ADAMTS9: variants seen among roughly 807,000 people sequenced by gnomAD.
ADAMTS9 encodes the protein ADAM metallopeptidase with thrombospondin type 1 motif 9.
ADAMTS9 carries 107 observed loss-of-function variants against 257.1 expected under a neutral mutation model. The ratio of observed to expected loss-of-function variants is 0.42; its 90% CI spans 0.36 to 0.49. The LOEUF (loss-of-function observed/expected upper bound fraction) is 0.49. ADAMTS9 is among the 20% of genes least tolerant of loss of function. ADAMTS9 has a pLI of 0.03. For missense variants in ADAMTS9, 2,353 were observed against 2,469.1 expected (o/e 0.95, Z 1.00); for synonymous variants, 982 against 880.9 (o/e 1.11, Z -2.03).
At chr3:64,548,577 C>T (rs1226397925) in intron 31 of ADAMTS9, among the ~76,000 whole-genome samples, 3 of 133,756 alleles carry the variant, frequency 2.2e-5, no homozygotes, top group East Asian at 2.1e-4. Flanking sequence ...GAGCAAAAGT[C>T]GTCCCCTGGC....
chr3:64,645,096 G>A (rs2106930992), intron 11 of ADAMTS9, among the ~76,000 whole-genome samples: 2 of 152,194 alleles, frequency 1.3e-5, no homozygotes, highest in Middle Eastern at 6.8e-3. Context: ...TATTTTACCA[G>A]GCAAATTCTA....
intron 26 of ADAMTS9, among the ~76,000 whole-genome samples, chr3:64,600,561 C>T (rs1240193793): frequency 6.6e-6 from 1 of 152,210 alleles, no homozygotes; most frequent in East Asian, 1.9e-4. Context: ...CTAGCGCTAT[C>T]ATTAGACTAC....
intron 12 of ADAMTS9, among the ~76,000 whole-genome samples, chr3:64,640,106 G>A (rs73124218): frequency 6.6e-6 from 1 of 152,122 alleles, no homozygotes; most frequent in Non-Finnish European, 1.5e-5. Context: ...AAAATCTAAG[G>A]CTTATTCATT....
chr3:64,624,275 A>G (rs1700175830), intron 16 of ADAMTS9, among the ~76,000 whole-genome samples: 1 of 151,888 alleles, frequency 6.6e-6, no homozygotes, highest in Admixed American at 6.6e-5. Context: ...AAAGAGAGAC[A>G]AAGAAAGAAA....
intron 3 of ADAMTS9, among the ~76,000 whole-genome samples, chr3:64,669,843 G>A (rs982863632): frequency 1.3e-5 from 2 of 152,030 alleles, no homozygotes; most frequent in African/African-American, 4.8e-5. Context: ...ATTTTATTTC[G>A]GACCTGCTAA....
At chr3:64,567,813 G>A (rs972169370) in intron 29 of ADAMTS9, among the ~76,000 whole-genome samples, 4 of 151,664 alleles carry the variant, frequency 2.6e-5, no homozygotes, top group East Asian at 3.9e-4. Context: ...GCATTAAATC[G>A]TCATAAGAGC....
intron 2 of ADAMTS9, among the ~76,000 whole-genome samples, chr3:64,681,729 A>G (rs908002618): frequency 6.6e-6 from 1 of 152,108 alleles, no homozygotes; most frequent in Non-Finnish European, 1.5e-5. Context: ...CTTTTTGTAG[A>G]GATGGGGGTC....
chr3:64,674,551 T>C (rs1162455531), intron 3 of ADAMTS9, among the ~76,000 whole-genome samples: 1 of 152,346 alleles, frequency 6.6e-6, no homozygotes, highest in East Asian at 1.9e-4. Context: ...GCTTCCACAT[T>C]GCCAAGTACA....
At chr3:64,632,540 G>A (rs758169027) in intron 14 of ADAMTS9, among the ~76,000 whole-genome samples, 2 of 152,216 alleles carry the variant, frequency 1.3e-5, no homozygotes, top group African/African-American at 2.4e-5. Context: ...AGGCTCCATC[G>A]AGTGGCCTGC....
chr3:64,551,021 C>A lies in ADAMTS9; in HGVS notation c.4740G>T (p.Val1580=), dbSNP rs1430848330. The A allele has an allele frequency of 1.2e-6, 2 of 1,614,196 alleles. No homozygotes were observed. Among genetic ancestry groups the A allele is most frequent in the Non-Finnish European group, 1.7e-6 (2 of 1,180,024 alleles). ...TCGEGSRYRK[V]VCVDDNKNEV... Reference sequence around the variant, plus strand: ...CGTTTTTGTTGTCATCCACACACACCACCTTGCGGTACCTGGAGCCTTCGC... The same window carrying A: ...CGTTTTTGTTGTCATCCACACACACAACCTTGCGGTACCTGGAGCCTTCGC... The change falls in exon 31 of 40, where the codon GTG becomes GTT. Residue 1580 remains valine, a synonymous_variant. Coordinates refer to ENST00000498707, the MANE Select transcript of ADAMTS9 (RefSeq NM_182920.2).
At position 64,594,253 on chromosome 3, in the gene ADAMTS9, C is replaced by T. The variant is rs376891364; in HGVS notation, c.4356+5G>A. On this transcript the variant is annotated splice_donor_5th_base_variant and intron_variant, in intron 28 of 39. Transcript: ENST00000498707. ...GTTAACAAACATGAATAGTTAGGGC[C>T]GTACCGAGCTCCAAGGGCCAGTACT... The T allele has an allele frequency of 6.2e-6, 10 of 1,611,854 alleles. No individual in the cohort carries two copies. Among genetic ancestry groups the T allele is most frequent in the African/African-American group, 2.7e-5 (2 of 74,848 alleles).
At chr3:64,594,932 G>A (rs575701891) in intron 27 of ADAMTS9, among the ~76,000 whole-genome samples, 113 of 147,854 alleles carry the variant, frequency 7.6e-4, no homozygotes, top group African/African-American at 2.3e-3. Flanking sequence ...GACTACAGGC[G>A]TGTGCCATCA....
chr3:64,541,233 A>T lies in ADAMTS9; in HGVS notation c.5388-5T>A, dbSNP rs2083117642. ...CATTCTGTTGGGTTGTGTAACCTAAATTATACAGAGAATGTTCTGGTAAGG... is the reference window on the plus strand; with the variant it reads ...CATTCTGTTGGGTTGTGTAACCTAATTTATACAGAGAATGTTCTGGTAAGG... On this transcript the variant is annotated splice_region_variant and splice_polypyrimidine_tract_variant and intron_variant, in intron 35 of 39. Transcript: ENST00000498707. 1 of 1,614,166 alleles carries T rather than the reference A, an allele frequency of 6.2e-7. No individual in the cohort carries two copies. Among genetic ancestry groups the T allele is most frequent in the Admixed American group, 1.7e-5 (1 of 60,018 alleles).
intron 12 of ADAMTS9, among the ~76,000 whole-genome samples, chr3:64,635,627 G>A (rs945638921): frequency 1.3e-5 from 2 of 152,174 alleles, no homozygotes; most frequent in African/African-American, 2.4e-5. Flanking sequence ...GTGACAGGAC[G>A]TTTAGAGAAG....
rs749861523 is a variant in ADAMTS9 at position 64,550,924 on chromosome 3, C to G, written c.4837G>C (p.Glu1613Gln). 6.2e-7 allele frequency: 1 copy of G among 1,614,170 alleles called. No homozygotes were observed. Among genetic ancestry groups the G allele is most frequent in the Non-Finnish European group, 8.5e-7 (1 of 1,180,018 alleles). ...DRESCSLQPC[E>Q]YVWITGEWSE... Reference sequence around the variant, plus strand: ...CATTCTCCTGTGATCCAGACATACTCGCAGGGTTGCAAACTACAGCTTTCA... The same window carrying G: ...CATTCTCCTGTGATCCAGACATACTGGCAGGGTTGCAAACTACAGCTTTCA... The change falls in exon 31 of 40, where the codon GAG (glutamate) becomes CAG (glutamine). Residue 1613 changes from glutamate to glutamine, a missense_variant. Around this residue, in one of 3 missense-constraint regions of ADAMTS9, gnomAD observed 1,402 missense variants for 1,441.4 expected, o/e 0.97. Transcript: ENST00000498707.
At chr3:64,531,518 A>G (rs1051626281) in intron 38 of ADAMTS9, among the ~76,000 whole-genome samples, 1 of 150,756 alleles carries the variant, frequency 6.6e-6, no homozygotes. Flanking sequence ...CCCAGCCTGG[A>G]GTGCAGTCGC....
At chr3:64,596,689 G>C in intron 27 of ADAMTS9, 141 bp downstream of exon 27, 1 of 1,003,990 alleles carries the variant, frequency 1.0e-6, no homozygotes, top group Non-Finnish European at 1.4e-6. Flanking sequence ...CAGAATTTAA[G>C]AAGACAGGTT....
chr3:64,520,082 T>C (rs1470340881), intron 39 of ADAMTS9, among the ~76,000 whole-genome samples: 2 of 152,046 alleles, frequency 1.3e-5, no homozygotes, highest in Non-Finnish European at 2.9e-5. Context: ...ACCTGAAAAA[T>C]GACTTCAGTA....
intron 28 of ADAMTS9, among the ~76,000 whole-genome samples, chr3:64,579,807 A>G (rs1274226977): frequency 6.6e-6 from 1 of 152,202 alleles, no homozygotes; most frequent in Non-Finnish European, 1.5e-5. Context: ...CCTGTCTCTT[A>G]TATCCATTCA....
Sources: allele counts gnomAD v4.1 joint callset (sites outside exome capture counted in the v4.1 genomes callset), GRCh38; gene constraint gnomAD v4.1.1; regional missense constraint gnomAD v4.1.1; transcripts MANE v1.5; gene names NCBI Gene and HGNC (gene_info 2026-07-23, HGNC 2026-07-21).